Variants in HMCN1 observed in about 807,000 individuals in gnomAD.
The protein encoded by HMCN1 is hemicentin-1.
Under a neutral mutation model 625.9 loss-of-function variants are expected in HMCN1, and 321 were observed. That is an observed-to-expected ratio of 0.51 (90% CI 0.47 to 0.56). HMCN1 has a LOEUF of 0.56. HMCN1 is among the 20% of genes least tolerant of loss of function. The probability of loss-of-function intolerance (pLI) is 0.00; values close to 1 mark genes in which losing one functional copy is unlikely to be tolerated. For synonymous variants in HMCN1, 2,425 were observed against 2,417.6 expected (o/e 1.00, Z -0.09); for missense variants, 6,588 against 6,887.3 (o/e 0.96, Z 1.54).
In HMCN1 at chr1:186,136,686, T is replaced by C; in HGVS notation, c.13331T>C (p.Leu4444Pro). The change falls in exon 87 of 107, where the codon CTT becomes CCT. Residue 4444 changes from leucine (L) to proline (P), a missense_variant. Physicochemically the swap from Leu to Pro is moderately conservative, Grantham distance 98. Transcript: ENST00000271588. ...LTLQSPPIIT[L>P]EPVETVINAG... ...TCCGTAGGTCCTCCTATTATCACTC[T>C]TGAGCCAGTGGAAACTGTTATTAAT... The C allele has an allele frequency of 6.2e-7, 1 of 1,613,992 alleles. No homozygotes were observed. Among genetic ancestry groups the C allele is most frequent in the Non-Finnish European group, 8.5e-7 (1 of 1,179,892 alleles).
chr1:186,001,433 A>G lies in HMCN1; in HGVS notation c.4200+5A>G. 6.2e-7 allele frequency: 1 copy of G among 1,612,576 alleles called. No homozygotes were observed. On this transcript the variant is annotated splice_donor_5th_base_variant and intron_variant, in intron 27 of 106. Coordinates refer to ENST00000271588, the MANE Select transcript of HMCN1 (RefSeq NM_031935.3). The stretch of plus-strand genomic sequence containing the variant: ...TGGTATAAAGATAATGTCCAGGTAA[A>G]TAGAGTCATCCAAATACGTGTAATT...
At chr1:186,159,751 T>G (rs529163474) in intron 97 of HMCN1, among the ~76,000 whole-genome samples, 1,714 of 152,314 alleles carry the variant, frequency 0.011, 27 homozygotes, top group African/African-American at 0.04. Flanking sequence ...GAACCAGCCT[T>G]GCATCCCAGG....
At chr1:185,821,887 TAAA>T (rs112180883) in intron 1 of HMCN1, among the ~76,000 whole-genome samples, 2 of 126,898 alleles carry the variant, frequency 1.6e-5, no homozygotes. Flanking sequence ...TGCTTTGCTT[TAAA>T]AAAAAAAAAA....
At chr1:186,039,310 A>G (rs1303825289) in intron 38 of HMCN1, among the ~76,000 whole-genome samples, 1 of 152,142 alleles carries the variant, frequency 6.6e-6, no homozygotes, top group African/African-American at 2.4e-5. Context: ...TATTAACGAA[A>G]TGTTTTTGAG....
chr1:185,883,542 G>A (rs934013525), intron 4 of HMCN1, among the ~76,000 whole-genome samples: 8 of 151,806 alleles, frequency 5.3e-5, no homozygotes, highest in African/African-American at 1.9e-4. Flanking sequence ...TCATGTTTTT[G>A]AAATTTACCC....
chr1:185,930,042 C>T (rs1028501532), intron 10 of HMCN1, among the ~76,000 whole-genome samples: 2 of 152,098 alleles, frequency 1.3e-5, no homozygotes, highest in African/African-American at 4.8e-5. Flanking sequence ...CTGGGAAGTG[C>T]CAGGAAGAAC....
intron 97 of HMCN1, among the ~76,000 whole-genome samples, chr1:186,162,322 C>A (rs1651552959): frequency 2.0e-5 from 3 of 149,634 alleles, no homozygotes; most frequent in Admixed American, 2.0e-4. Context: ...CATTCATCTA[C>A]ATTTTTTTTC....
chr1:186,124,369 A>G (rs942258387), intron 81 of HMCN1, among the ~76,000 whole-genome samples: 14 of 152,112 alleles, frequency 9.2e-5, no homozygotes, highest in African/African-American at 3.4e-4. Context: ...GCTCAAAGCT[A>G]AAATCAATAT....
chr1:186,088,249 G>A lies in HMCN1; in HGVS notation c.9550G>A (p.Ala3184Thr), dbSNP rs1253862172. The A allele has an allele frequency of 3.7e-6, 6 of 1,612,680 alleles. No individual in the cohort carries two copies. The highest frequency in any genetic ancestry group is 1.6e-4 in the Middle Eastern group (1 of 6,076). ...DATGIPPPTIAWLKNHKRIEN... is the reference protein window; with the variant it reads ...DATGIPPPTITWLKNHKRIEN... ...CACTGGGATCCCACCTCCCACGATA[G>A]CATGGTTAAAGAACCACAAGCGCAT... The change falls in exon 62 of 107, where the codon GCA (alanine) becomes ACA (threonine). Residue 3184 changes from alanine to threonine, a missense_variant. Transcript: ENST00000271588.
chr1:186,050,677 A>C, intron 42 of HMCN1, among the ~76,000 whole-genome samples: 1 of 152,050 alleles, frequency 6.6e-6, no homozygotes, highest in East Asian at 1.9e-4. Context: ...CCTCTTAAAG[A>C]AAAGCAGTGT....
intron 11 of HMCN1, among the ~76,000 whole-genome samples, chr1:185,961,642 A>G (rs7546152): frequency 0.13 from 19,835 of 152,242 alleles, 3,607 homozygotes; most frequent in African/African-American, 0.41. Context: ...TTATTGTGTA[A>G]TAATATAGAT....
chr1:185,939,391 G>A (rs974321676), intron 11 of HMCN1, among the ~76,000 whole-genome samples: 7 of 152,162 alleles, frequency 4.6e-5, no homozygotes, highest in African/African-American at 1.2e-4. Flanking sequence ...CAGAAGTCCC[G>A]CTATGCAAAC....
At chr1:185,918,913 T>C (rs1666861337) in intron 6 of HMCN1, among the ~76,000 whole-genome samples, 1 of 152,080 alleles carries the variant, frequency 6.6e-6, no homozygotes. Flanking sequence ...GAGGTTAGGG[T>C]AACTCTGCAG....
chr1:185,936,034 T>A (rs1386529899), intron 11 of HMCN1, among the ~76,000 whole-genome samples: 2 of 152,172 alleles, frequency 1.3e-5, no homozygotes, highest in African/African-American at 4.8e-5. Flanking sequence ...ATACTTGGAT[T>A]GAATACATAC....
chr1:185,888,388 G>A (rs61829894), intron 4 of HMCN1, among the ~76,000 whole-genome samples: 2 of 143,408 alleles, frequency 1.4e-5, no homozygotes, highest in African/African-American at 3.0e-5. Flanking sequence ...TTGCCCATGC[G>A]TATGTCCTGA....
chr1:186,181,042 T>C (rs903325594), intron 104 of HMCN1, among the ~76,000 whole-genome samples: 10 of 152,188 alleles, frequency 6.6e-5, no homozygotes, highest in Middle Eastern at 6.3e-3. Flanking sequence ...AAAATGACCA[T>C]TGCATTGCTT....
chr1:186,174,717 A>C (rs571738061), intron 103 of HMCN1, 75 bp downstream of exon 103: 96 of 1,312,942 alleles, frequency 7.3e-5, no homozygotes, highest in Non-Finnish European at 1.0e-4. Flanking sequence ...GCTTAGGGCC[A>C]CTTTCTCTAT....
At chr1:186,134,268 A>G (rs3845367) in intron 86 of HMCN1, among the ~76,000 whole-genome samples, 60,126 of 151,992 alleles carry the variant, frequency 0.4, 13,756 homozygotes, top group East Asian at 0.6. Flanking sequence ...ATAGCTTCAT[A>G]TGCAATTGGG....
intron 1 of HMCN1, among the ~76,000 whole-genome samples, chr1:185,778,387 T>G (rs1656777209): frequency 6.6e-6 from 1 of 151,918 alleles, no homozygotes; most frequent in East Asian, 1.9e-4. Context: ...AGGGTACATG[T>G]GCACAACATG....
Sources: allele counts gnomAD v4.1 joint callset (sites outside exome capture counted in the v4.1 genomes callset), GRCh38; gene constraint gnomAD v4.1.1; transcripts MANE v1.5; gene names NCBI Gene and HGNC (gene_info 2026-07-23, HGNC 2026-07-21).